LHFPL3: variants seen among roughly 807,000 people sequenced by gnomAD.
The protein encoded by LHFPL3 is LHFPL tetraspan subfamily member 3 protein.
A neutral mutation model predicts 19.3 loss-of-function variants in LHFPL3; 5 were observed. The ratio of observed to expected loss-of-function variants is 0.26; its 90% CI spans 0.14 to 0.54. The LOEUF is 0.54. LHFPL3 is among the 20% of genes least tolerant of loss of function. The pLI, the probability that LHFPL3 is intolerant of heterozygous loss-of-function variation, is 0.94. For missense variants in LHFPL3, 249 were observed against 307.4 expected (o/e 0.81, Z 1.42); for synonymous variants, 133 against 126.2 (o/e 1.05, Z -0.36).
intron 1 of LHFPL3, among the ~76,000 whole-genome samples, chr7:104,701,275 T>C (rs1268958171): frequency 6.6e-6 from 1 of 152,166 alleles, no homozygotes. Context: ...GTTAACATTA[T>C]AGTTGACCCT....
intron 2 of LHFPL3, among the ~76,000 whole-genome samples, chr7:104,824,898 G>T (rs574860391): frequency 7.5e-6 from 1 of 132,968 alleles, no homozygotes. Flanking sequence ...TATAATAATT[G>T]TATATAATAT....
chr7:104,736,947 T>A (rs1427457407), intron 2 of LHFPL3, 36 bp downstream of exon 2: 2 of 1,498,382 alleles, frequency 1.3e-6, no homozygotes, highest in Admixed American at 4.0e-5. Flanking sequence ...CCTGGATGCC[T>A]CAAGCACAAA....
chr7:104,329,278 G>T (rs1584588993), intron 1 of LHFPL3, 54 bp downstream of exon 1: 1 of 1,541,680 alleles, frequency 6.5e-7, no homozygotes. Context: ...GCCCGAGCCG[G>T]GGAGGGGCCA....
chr7:104,596,586 G>T (rs1417071602), intron 1 of LHFPL3, among the ~76,000 whole-genome samples: 4 of 152,192 alleles, frequency 2.6e-5, no homozygotes, highest in Admixed American at 2.6e-4. Flanking sequence ...CGGTCTATCT[G>T]TGTGTTTCAA....
intron 1 of LHFPL3, among the ~76,000 whole-genome samples, chr7:104,506,534 G>A (rs1793702632): frequency 6.6e-6 from 1 of 152,224 alleles, no homozygotes; most frequent in Non-Finnish European, 1.5e-5. Flanking sequence ...TGTATACCCA[G>A]CACCTACTGT....
chr7:104,633,028 G>GT lies in LHFPL3; in HGVS notation c.446-103640dup, dbSNP rs1343954269. Among the ~76,000 whole-genome samples, 9 of 152,076 alleles carry GT rather than the reference G, an allele frequency of 5.9e-5. No individual in the cohort carries two copies. In the South Asian group the frequency reaches 1.9e-3, roughly 31 times the overall value. The stretch of plus-strand genomic sequence containing the variant: ...TCATGTGAGCATCTCAGAATACGTG[G>GT]TTTTTTTAAGAAAAAAATTTAAGTA... On this transcript the variant is annotated intron_variant, in intron 1 of 2. Coordinates refer to ENST00000424859, the MANE Select transcript of LHFPL3 (RefSeq NM_199000.3).
At chr7:104,840,473 CCTTTTTTT>C (rs1791180547) in intron 2 of LHFPL3, among the ~76,000 whole-genome samples, 1 of 90,998 alleles carries the variant, frequency 1.1e-5, no homozygotes, top group African/African-American at 4.1e-5. Flanking sequence ...ATTTTCTTTT[CCTTTTTTT>C]TTTTTTTTTT....
intron 1 of LHFPL3, among the ~76,000 whole-genome samples, chr7:104,389,085 G>T (rs2188481): frequency 6.6e-6 from 1 of 151,832 alleles, no homozygotes; most frequent in East Asian, 1.9e-4. Flanking sequence ...AAAACTATCT[G>T]TTTGCAGATG....
intron 1 of LHFPL3, among the ~76,000 whole-genome samples, chr7:104,510,791 A>T (rs1489944054): frequency 2.6e-5 from 4 of 152,154 alleles, no homozygotes; most frequent in Non-Finnish European, 5.9e-5. Context: ...TACGTATTTG[A>T]AAAAGGAACA....
intron 1 of LHFPL3, among the ~76,000 whole-genome samples, chr7:104,396,121 C>T (rs1791179863): frequency 6.6e-6 from 1 of 152,162 alleles, no homozygotes; most frequent in Non-Finnish European, 1.5e-5. Context: ...AAGATGGCCA[C>T]TCTATTGCTT....
intron 2 of LHFPL3, among the ~76,000 whole-genome samples, chr7:104,891,088 A>G (rs1225179537): frequency 6.7e-6 from 1 of 150,268 alleles, no homozygotes; most frequent in Non-Finnish European, 1.5e-5. Context: ...CTTACCCCCA[A>G]CTTTCATATC....
chr7:104,714,516 G>GTT (rs202202882), intron 1 of LHFPL3, among the ~76,000 whole-genome samples: 43 of 144,786 alleles, frequency 3.0e-4, no homozygotes, highest in African/African-American at 1.1e-3. Flanking sequence ...ACAAGTCTGG[G>GTT]TTTTTTTTTT....
At chr7:104,780,119 T>C (rs1462412784) in intron 2 of LHFPL3, among the ~76,000 whole-genome samples, 1 of 152,162 alleles carries the variant, frequency 6.6e-6, no homozygotes, top group Non-Finnish European at 1.5e-5. Context: ...TCTGTACAGA[T>C]GTGGTTTTGT....
chr7:104,617,340 A>C (rs1791366252), intron 1 of LHFPL3, among the ~76,000 whole-genome samples: 1 of 152,252 alleles, frequency 6.6e-6, no homozygotes, highest in South Asian at 2.1e-4. Context: ...AATCATCTTA[A>C]ATTGTAACAC....
At chr7:104,484,480 A>G (rs1422884766) in intron 1 of LHFPL3, among the ~76,000 whole-genome samples, 2 of 152,154 alleles carry the variant, frequency 1.3e-5, no homozygotes, top group Non-Finnish European at 2.9e-5. Context: ...TCAATGGGGT[A>G]TGTTTTCTGT....
intron 2 of LHFPL3, among the ~76,000 whole-genome samples, chr7:104,862,382 A>G (rs114887762): frequency 0.012 from 1,770 of 152,282 alleles, 36 homozygotes; most frequent in African/African-American, 0.04. Context: ...GGCACCAGGC[A>G]CTTTAAAACA....
chr7:104,710,678 T>G (rs966299673), intron 1 of LHFPL3, among the ~76,000 whole-genome samples: 1 of 152,198 alleles, frequency 6.6e-6, no homozygotes, highest in African/African-American at 2.4e-5. Context: ...GTAATAATAG[T>G]ATCTACTTCA....
At chr7:104,442,826 C>T (rs539120696) in intron 1 of LHFPL3, among the ~76,000 whole-genome samples, 1 of 152,328 alleles carries the variant, frequency 6.6e-6, no homozygotes, top group South Asian at 2.1e-4. Context: ...TGCCAGAAAT[C>T]ACCACTTAAT....
At chr7:104,558,768 G>C (rs1211432099) in intron 1 of LHFPL3, among the ~76,000 whole-genome samples, 2 of 147,982 alleles carry the variant, frequency 1.4e-5, no homozygotes, top group African/African-American at 5.3e-5. Flanking sequence ...CCTATGTCCT[G>C]AATGGTATTG....
Sources: gnomAD v4.1 joint callset for allele counts (sites outside exome capture counted in the v4.1 genomes callset) on GRCh38, gnomAD v4.1.1 for gene constraint, MANE v1.5 for transcripts, NCBI Gene and HGNC (gene_info 2026-07-23, HGNC 2026-07-21) for gene names.